The following RFX2 variants were observed in gnomAD, a reference collection of about 807,000 sequenced individuals.
RFX2 encodes the protein DNA-binding protein RFX2.
Under a neutral mutation model 87.8 loss-of-function variants are expected in RFX2, and 20 were observed. The ratio of observed to expected loss-of-function variants is 0.23; its 90% CI spans 0.16 to 0.33. The LOEUF (loss-of-function observed/expected upper bound fraction) is 0.33, where lower values mean the gene tolerates loss of function less well. Ranked by LOEUF, RFX2 falls within the 10% of genes least tolerant of loss-of-function variation. The pLI is 1.00. For synonymous variants in RFX2, 397 were observed against 431.3 expected, an observed-to-expected ratio of 0.92 and a Z score of 0.98; for missense variants, 767 against 1,012.3, an observed-to-expected ratio of 0.76 and a Z score of 3.29.
At chr19:6,070,631 A>G (rs1411076010) in intron 1 of RFX2, among the ~76,000 whole-genome samples, 1 of 152,076 alleles carries the variant, frequency 6.6e-6, no homozygotes, top group Non-Finnish European at 1.5e-5. Flanking sequence ...CCCCCACCCC[A>G]TGGTCCCACC....
chr19:6,076,204 C>T (rs113961306), intron 1 of RFX2, among the ~76,000 whole-genome samples: 3,477 of 152,118 alleles, frequency 0.023, 141 homozygotes, highest in African/African-American at 0.08. Flanking sequence ...ATTAGCCATG[C>T]GTGGTGGTGC....
intron 3 of RFX2, among the ~76,000 whole-genome samples, chr19:6,043,076 C>A (rs1462045191): frequency 6.6e-6 from 1 of 152,206 alleles, no homozygotes; most frequent in Non-Finnish European, 1.5e-5. Context: ...ATCACAAGTT[C>A]CAGGGGTTAA....
At chr19:6,029,744 G>A (rs1361904606) in intron 5 of RFX2, among the ~76,000 whole-genome samples, 1 of 152,126 alleles carries the variant, frequency 6.6e-6, no homozygotes, top group Non-Finnish European at 1.5e-5. Flanking sequence ...AAAAACACAT[G>A]AGAGTGATGT....
Position 6,022,326 on chromosome 19 carries a change from C to T in RFX2, c.597+3837G>A, listed in dbSNP as rs934525224. On this transcript the variant is annotated intron_variant, in intron 6 of 17. Transcript: ENST00000303657. This position sits in a 1 kb window ranked among gnomAD's most constrained non-coding sequence, Gnocchi z 6.2. ...CATCGTGCCAGGCTACACAGGTCAC[C>T]AGCTGAAGGCTAAATGACCTTTGAC... is the stretch of plus-strand genomic sequence containing the variant. Among the ~76,000 whole-genome samples, 4 of 152,234 alleles carry T rather than the reference C, an allele frequency of 2.6e-5. No individual in the cohort carries two copies. Among genetic ancestry groups the T allele is most frequent in the Non-Finnish European group, 5.9e-5 (4 of 68,040 alleles).
chr19:6,033,090 G>A (rs925913654), intron 5 of RFX2, among the ~76,000 whole-genome samples: 4 of 152,148 alleles, frequency 2.6e-5, no homozygotes, highest in African/African-American at 9.7e-5. Context: ...GCGCCCAGCA[G>A]GACCGATTCT....
chr19:6,006,758 ATT>A (rs766700053), intron 12 of RFX2, among the ~76,000 whole-genome samples: 29 of 138,738 alleles, frequency 2.1e-4, no homozygotes, highest in Non-Finnish European at 2.1e-4. Context: ...CCCCAGATAA[ATT>A]TTTTTTTTTT....
At chr19:6,106,942 A>G (rs1037899070) in intron 1 of RFX2, among the ~76,000 whole-genome samples, 6 of 151,478 alleles carry the variant, frequency 4.0e-5, no homozygotes, top group Non-Finnish European at 5.9e-5. Context: ...ATATTATAAG[A>G]TGTGGTTCCT....
rs200561386 is a variant in RFX2 at position 6,047,440 on chromosome 19, C to A, written c.57G>T (p.Ser19=). The stretch of plus-strand genomic sequence containing the variant: ...AGGCTGGCACAGGCGGGGCTGCCGC[C>A]GAGGGACGCAGAGCCACGGACGCTG... The part of the protein sequence containing the change: ...DSPASVALRP[S]AAAPPVPASP... Residue 19 remains serine, a synonymous_variant, in exon 2 of 18, where the codon TCG becomes TCT. Transcript: ENST00000303657. This position sits in a 1 kb window ranked among gnomAD's most constrained non-coding sequence, Gnocchi z 4.2. 1 of 1,602,658 alleles carries A rather than the reference C, an allele frequency of 6.2e-7. No homozygotes were observed. Among genetic ancestry groups the A allele is most frequent in the Non-Finnish European group, 8.5e-7 (1 of 1,174,838 alleles).
At position 6,075,590 on chromosome 19, in the gene RFX2, A is replaced by G. The variant is rs8113517; in HGVS notation, c.-8-28086T>C. Among the ~76,000 whole-genome samples, 1,190 of 152,274 alleles carry G rather than the reference A, an allele frequency of 7.8e-3. 17 individuals are homozygous for G. Among genetic ancestry groups the G allele is most frequent in the African/African-American group, 0.027 (1,115 of 41,560 alleles). On this transcript the variant is annotated intron_variant, in intron 1 of 17. Coordinates refer to ENST00000303657, the MANE Select transcript of RFX2 (RefSeq NM_000635.4). The stretch of plus-strand genomic sequence containing the variant: ...GAAAGAGAGGAGTCGAGGCTGACTT[A>G]AGGCTTGGGGCTGGCCTGAGCACCT...
intron 1 of RFX2, among the ~76,000 whole-genome samples, chr19:6,052,932 AG>A (rs1215079862): frequency 2.6e-5 from 4 of 152,178 alleles, no homozygotes; most frequent in Non-Finnish European, 5.9e-5. Flanking sequence ...AAGAAAAAAA[AG>A]TGGGCACACC....
At chr19:6,033,755 C>G (rs1207116606) in intron 5 of RFX2, among the ~76,000 whole-genome samples, 1 of 150,988 alleles carries the variant, frequency 6.6e-6, no homozygotes, top group Admixed American at 6.6e-5. Flanking sequence ...AATAATGTAT[C>G]AATATTGGAT....
rs1451687853 is a variant in RFX2 at position 6,002,784 on chromosome 19, C to T, written c.1587G>A (p.Gln529=). 1 of 1,613,828 alleles carries T rather than the reference C, an allele frequency of 6.2e-7. No individual in the cohort carries two copies. ...HLAQAARAVL[Q]NTSQINQMLS... ...GCATCTGGTTGATCTGGGACGTGTT[C>T]TGCAGCACCGCCCGGGCCGCCTGCG... is the stretch of plus-strand genomic sequence containing the variant. The change falls in exon 14 of 18, where the codon CAG becomes CAA. Residue 529 remains glutamine, a synonymous_variant. Coordinates refer to ENST00000303657, the MANE Select transcript of RFX2 (RefSeq NM_000635.4). This position sits in a 1 kb window ranked among gnomAD's most constrained non-coding sequence, Gnocchi z 6.7.
rs573074996 is a variant in RFX2, at chr19:6,069,822, T to C, written c.-8-22318A>G. Among the ~76,000 whole-genome samples, 20 of 152,282 alleles carry C rather than the reference T, an allele frequency of 1.3e-4. 1 individual carries two copies. Among genetic ancestry groups the C allele is most frequent in the Admixed American group, 1.0e-3 (16 of 15,302 alleles). ...AGACAGGAGGACCAGATGGCTCTTT[T>C]GAGGAATTTTTGCTAGAAAGATAGG... On this transcript the variant is annotated intron_variant, in intron 1 of 17. Coordinates refer to ENST00000303657, the MANE Select transcript of RFX2 (RefSeq NM_000635.4).
chr19:6,073,555 T>C, intron 1 of RFX2: 1 of 490,178 alleles, frequency 2.0e-6, no homozygotes, highest in African/African-American at 2.1e-5. Context: ...ATGTTTTGTG[T>C]TTAAATAAAA....
chr19:6,096,174 C>T (rs767093869), intron 1 of RFX2, among the ~76,000 whole-genome samples: 4 of 152,196 alleles, frequency 2.6e-5, no homozygotes, highest in African/African-American at 4.8e-5. Context: ...ATGGCACTTG[C>T]GCCAATCTGC....
At chr19:6,049,954 C>T (rs1352674480) in intron 1 of RFX2, among the ~76,000 whole-genome samples, 6 of 152,206 alleles carry the variant, frequency 3.9e-5, no homozygotes, top group African/African-American at 1.2e-4. Context: ...GCATCAGCCT[C>T]GTTATCCTGA....
chr19:6,088,808 G>A (rs1285938388), intron 1 of RFX2, among the ~76,000 whole-genome samples: 1 of 152,170 alleles, frequency 6.6e-6, no homozygotes, highest in Admixed American at 6.5e-5. Context: ...TTTGTAAAAT[G>A]TGGAATAGTA....
chr19:6,007,713 G>A lies in RFX2; in HGVS notation c.1224C>T (p.Asp408=), dbSNP rs2288847. The A allele has an allele frequency of 4.7e-3, 7,292 of 1,554,198 alleles. 115 individuals are homozygous for A. The East Asian group carries it at 0.069, about 15-fold the overall frequency. The change falls in exon 11 of 18, where the codon GAC becomes GAT. Residue 408 remains aspartate, a synonymous_variant. Coordinates refer to ENST00000303657, the MANE Select transcript of RFX2 (RefSeq NM_000635.4). The surrounding 1 kb of genome is among the most constrained non-coding windows in gnomAD (Gnocchi z 8.2). ...ACCTGGCAGGAAGAGAGGTGGGGCCGTCGCTGGAGGAGGCCTTAGAGTTCC... is the reference window on the plus strand; with the variant it reads ...ACCTGGCAGGAAGAGAGGTGGGGCCATCGCTGGAGGAGGCCTTAGAGTTCC... ...SFWNSKASSS[D]GPTSLPASDE... is the part of the protein sequence containing the mutation.
intron 1 of RFX2, chr19:6,072,934 C>T: frequency 1.2e-6 from 1 of 821,310 alleles, no homozygotes; most frequent in South Asian, 1.3e-5. Context: ...CTGGAGGAAA[C>T]CCAGAGGTAT....
Sources: allele counts gnomAD v4.1 joint callset (sites outside exome capture counted in the v4.1 genomes callset), GRCh38; gene constraint gnomAD v4.1.1; non-coding constraint Gnocchi (gnomAD v3.1); transcripts MANE v1.5; gene names NCBI Gene and HGNC (gene_info 2026-07-23, HGNC 2026-07-21).